Variants in FAM89B observed in about 807,000 individuals in gnomAD.
FAM89B encodes the protein family with sequence similarity 89 member B.
In FAM89B, 9 loss-of-function variants were observed where a neutral mutation model predicts 13.4. The observed-to-expected ratio is 0.67, with a 90% CI of 0.40 to 1.17. FAM89B has a LOEUF of 1.17. FAM89B is among the 50% of genes most tolerant of loss of function. The probability of loss-of-function intolerance (pLI) is 0.01; values close to 1 mark genes in which losing one functional copy is unlikely to be tolerated. For missense variants in FAM89B, 256 were observed against 256.1 expected (o/e 1.00, Z 0.00); for synonymous variants, 138 against 121.2 (o/e 1.14, Z -0.91).
chr11:65,572,897 C>A lies in FAM89B; in HGVS notation c.228C>A (p.Pro76=). The part of the protein sequence containing the change: ...RHAAGAANAG[P]AAGPRRPVNL... ...CCGCCGGCGCCGCCAACGCGGGACC[C>A]GCAGCCGGCCCGCGTCGTCCTGTCA... Residue 76 remains proline, a synonymous_variant, in exon 1 of 2, where the codon CCC becomes CCA. Transcript: ENST00000530349. 1 of 1,213,294 alleles carries A rather than the reference C, an allele frequency of 8.2e-7. No homozygotes were observed. The highest frequency in any genetic ancestry group is 1.0e-6 in the Non-Finnish European group (1 of 979,186). The allele number at this position is 1,213,294 out of a possible 1,614,324, so 75.2% of individuals were successfully genotyped here. A position where few individuals can be genotyped will look rare whatever the true frequency, so the allele number is the denominator to read the frequency against.
Position 65,573,615 on chromosome 11 carries a change from C to T in FAM89B, c.544C>T (p.Gln182Ter). Residue 182 changes from glutamine (Q) to a stop codon, truncating the protein, a stop_gained, in exon 2 of 2, where the codon CAG (glutamine) becomes TAG (stop). Transcript: ENST00000530349. LOFTEE classifies it high-confidence loss of function. The part of the protein sequence containing the change: ...QTHNARDQWL[Q>*]DAFHISL ...GCACAATGCCCGTGACCAGTGGCTG[C>T]AGGATGCCTTCCACATCAGCCTCTG... 1 of 1,609,490 alleles carries T rather than the reference C, an allele frequency of 6.2e-7. No homozygotes were observed.
chr11:65,572,636 G>C lies in FAM89B; in HGVS notation c.-34G>C. On this transcript the variant is annotated 5_prime_UTR_variant, in exon 1 of 2. Transcript: ENST00000530349. ...GGCCCGGGCGGAGCGTTGGAGGGAA[G>C]GAGGTGGCATCGCCGTCCGCGCCGG... 8.4e-7 allele frequency: 1 copy of C among 1,186,276 alleles called. No individual in the cohort carries two copies. Among genetic ancestry groups the C allele is most frequent in the Non-Finnish European group, 1.0e-6 (1 of 961,620 alleles). The allele number at this position is 1,186,276 out of a possible 1,614,324, so 73.5% of individuals were successfully genotyped here.
chr11:65,572,776 G>T lies in FAM89B; in HGVS notation c.107G>T (p.Gly36Val). 1 of 1,199,648 alleles carries T rather than the reference G, an allele frequency of 8.3e-7. No individual in the cohort carries two copies. The highest frequency in any genetic ancestry group is 1.0e-6 in the Non-Finnish European group (1 of 960,530). 74.3% of individuals were successfully genotyped at this position (1,199,648 alleles called of 1,614,324 possible). A position where few individuals can be genotyped will look rare whatever the true frequency, so the allele number is the denominator to read the frequency against. Residue 36 changes from glycine to valine, a missense_variant, in exon 1 of 2, where the codon GGC becomes GTC. Coordinates refer to ENST00000530349, the MANE Select transcript of FAM89B (RefSeq NM_001098785.2). ...AGCGGCCTCCTTAATGCGAGCGGGG[G>T]CTCGTGGCGGGAGCTGGAGCGCGTC... is the stretch of plus-strand genomic sequence containing the variant. ...GLSGLLNASG[G>V]SWRELERVYS...
At position 65,572,578 on chromosome 11, in the gene FAM89B, G is replaced by T; in HGVS notation, c.-92G>T. 7.3e-7 allele frequency: 1 copy of T among 1,375,302 alleles called. No homozygotes were observed. The highest frequency in any genetic ancestry group is 9.5e-7 in the Non-Finnish European group (1 of 1,057,550). 85.2% of individuals were successfully genotyped at this position (1,375,302 alleles called of 1,614,324 possible). A position where few individuals can be genotyped will look rare whatever the true frequency, so the allele number is the denominator to read the frequency against. On this transcript the variant is annotated 5_prime_UTR_variant, in exon 1 of 2. Transcript: ENST00000530349. ...GCCTGCGGGCGGCGGCTGGGCTCCG[G>T]CGGGGCCGCGGGGTGCGGGGCCTGC...
rs1316978045 is a variant in FAM89B, at chr11:65,572,546, A to T, written c.-124A>T. The T allele has an allele frequency of 3.5e-5, 52 of 1,477,588 alleles. No homozygotes were observed. The highest frequency in any genetic ancestry group is 4.2e-5 in the Non-Finnish European group (47 of 1,113,210). The allele number at this position is 1,477,588 out of a possible 1,614,324, so 91.5% of individuals were successfully genotyped here. A position where few individuals can be genotyped will look rare whatever the true frequency, so the allele number is the denominator to read the frequency against. On this transcript the variant is annotated 5_prime_UTR_variant, in exon 1 of 2. Coordinates refer to ENST00000530349, the MANE Select transcript of FAM89B (RefSeq NM_001098785.2). ...AGTCTGAGGAGCTGGGGAAGGAACA[A>T]AGCGAGGCCTGCGGGCGGCGGCTGG...
chr11:65,573,462 T>C lies in FAM89B; in HGVS notation c.391T>C (p.Cys131Arg). Residue 131 changes from cysteine (C) to arginine (R), a missense_variant, in exon 2 of 2, where the codon TGC becomes CGC. By Grantham distance (180) the Cys-to-Arg change is radical. Coordinates refer to ENST00000530349, the MANE Select transcript of FAM89B (RefSeq NM_001098785.2). ...ACACCTGTGCCAAGACCTGAGCTTC[T>C]GCCAGGACCTGTCATCCTCCCTCCA... The part of the protein sequence containing the change: ...YKHLCQDLSF[C>R]QDLSSSLHSD... 4 of 1,614,050 alleles carry C rather than the reference T, an allele frequency of 2.5e-6. No homozygotes were observed. Among genetic ancestry groups the C allele is most frequent in the Non-Finnish European group, 2.5e-6 (3 of 1,179,934 alleles).
chr11:65,573,155 C>T (rs1294455139), intron 1 of FAM89B, among the ~76,000 whole-genome samples, 195 bp downstream of exon 1: 1 of 152,254 alleles, frequency 6.6e-6, no homozygotes, highest in Non-Finnish European at 1.5e-5. Context: ...GCTGACGTTA[C>T]TTCATTTCAT....
At position 65,573,548 on chromosome 11, in the gene FAM89B, C is replaced by T; in HGVS notation, c.477C>T (p.Ala159=). ...GLSDDEEPPD[A]SLPPDPPPLT... ...CTGACGACGAGGAGCCTCCCGATGC[C>T]AGCCTGCCTCCTGACCCGCCACCCC... Residue 159 remains alanine, a synonymous_variant, in exon 2 of 2, where the codon GCC becomes GCT. Coordinates refer to ENST00000530349, the MANE Select transcript of FAM89B (RefSeq NM_001098785.2). 1 of 1,614,018 alleles carries T rather than the reference C, an allele frequency of 6.2e-7. No homozygotes were observed. The highest frequency in any genetic ancestry group is 1.3e-5 in the African/African-American group (1 of 75,060).
chr11:65,572,891 G>A lies in FAM89B; in HGVS notation c.222G>A (p.Ala74=). The A allele has an allele frequency of 8.3e-7, 1 of 1,210,452 alleles. No homozygotes were observed. The highest frequency in any genetic ancestry group is 1.0e-6 in the Non-Finnish European group (1 of 977,526). 75.0% of individuals were successfully genotyped at this position (1,210,452 alleles called of 1,614,324 possible). ...GPRHAAGAAN[A]GPAAGPRRPV... ...GCCACGCCGCCGGCGCCGCCAACGCGGGACCCGCAGCCGGCCCGCGTCGTC... is the reference window on the plus strand; with the variant it reads ...GCCACGCCGCCGGCGCCGCCAACGCAGGACCCGCAGCCGGCCCGCGTCGTC... Residue 74 remains alanine (A), a synonymous_variant, in exon 1 of 2, where the codon GCG becomes GCA. Transcript: ENST00000530349.
intron 1 of FAM89B, 118 bp downstream of exon 1, chr11:65,573,078 T>TA: frequency 1.0e-6 from 1 of 992,466 alleles, no homozygotes; most frequent in Non-Finnish European, 1.3e-6. Context: ...TTGCAAGGGT[T>TA]ATGGTAACAA....
At position 65,572,544 on chromosome 11, in the gene FAM89B, CA is replaced by C. The variant is rs1287628394; in HGVS notation, c.-123del. 2.7e-6 allele frequency: 4 copies of C among 1,503,944 alleles called. No individual in the cohort carries two copies. Among genetic ancestry groups the C allele is most frequent in the Non-Finnish European group, 3.5e-6 (4 of 1,128,008 alleles). The allele number at this position is 1,503,944 out of a possible 1,614,324, so 93.2% of individuals were successfully genotyped here. On this transcript the variant is annotated 5_prime_UTR_variant, in exon 1 of 2. Transcript: ENST00000530349. ...GGAGTCTGAGGAGCTGGGGAAGGAACAAAGCGAGGCCTGCGGGCGGCGGCTG... is the reference window on the plus strand; with the variant it reads ...GGAGTCTGAGGAGCTGGGGAAGGAACAAGCGAGGCCTGCGGGCGGCGGCTG...
chr11:65,573,648 G>A lies in FAM89B; in HGVS notation c.*7G>A, dbSNP rs1162802730. The A allele has an allele frequency of 6.3e-7, 1 of 1,593,214 alleles. No individual in the cohort carries two copies. The highest frequency in any genetic ancestry group is 1.7e-5 in the Admixed American group (1 of 59,496). On this transcript the variant is annotated 3_prime_UTR_variant, in exon 2 of 2. Transcript: ENST00000530349. ...CTTCCACATCAGCCTCTGAAGGGCT[G>A]GGGGGCAGGGGGCATGCACCCATGC...
In FAM89B at chr11:65,573,880, C is replaced by T. The variant is rs574866845; in HGVS notation, c.*239C>T. The T allele has an allele frequency of 1.2e-5, 6 of 498,578 alleles. No individual in the cohort carries two copies. In the South Asian group the frequency reaches 1.8e-4, roughly 15 times the overall value. The allele number at this position is 498,578 out of a possible 1,614,324, so 30.9% of individuals were successfully genotyped here. A position where few individuals can be genotyped will look rare whatever the true frequency, so the allele number is the denominator to read the frequency against. On this transcript the variant is annotated 3_prime_UTR_variant, in exon 2 of 2. Transcript: ENST00000530349. ...CATGGCACTGGGCCTCCAGTTCTTC[C>T]ACATGTGTGCACCCCCAGCTTGGCC...
chr11:65,573,526 A>G lies in FAM89B; in HGVS notation c.455A>G (p.Asp152Gly), dbSNP rs147971990. Residue 152 changes from aspartate to glycine, a missense_variant, in exon 2 of 2, where the codon GAC (aspartate) becomes GGC (glycine). Coordinates refer to ENST00000530349, the MANE Select transcript of FAM89B (RefSeq NM_001098785.2). ...SSYPPDAGLS[D>G]DEEPPDASLP... ...TACCCACCGGATGCGGGCCTGTCTG[A>G]CGACGAGGAGCCTCCCGATGCCAGC... The G allele has an allele frequency of 2.5e-6, 4 of 1,613,946 alleles. No homozygotes were observed. The highest frequency in any genetic ancestry group is 3.4e-6 in the Non-Finnish European group (4 of 1,180,026).
Position 65,574,182 on chromosome 11 carries a change from C to G in FAM89B, c.*541C>G, listed in dbSNP as rs1423693424. 6.5e-6 allele frequency: 1 copy of G among 152,932 alleles called. No homozygotes were observed. Among genetic ancestry groups the G allele is most frequent in the Non-Finnish European group, 1.5e-5 (1 of 68,274 alleles). 9.5% of individuals were successfully genotyped at this position (152,932 alleles called of 1,614,324 possible). A position where few individuals can be genotyped will look rare whatever the true frequency, so the allele number is the denominator to read the frequency against. On this transcript the variant is annotated 3_prime_UTR_variant, in exon 2 of 2. Coordinates refer to ENST00000530349, the MANE Select transcript of FAM89B (RefSeq NM_001098785.2). Reference sequence around the variant, plus strand: ...CAGGGCGCGTAGATAAATAAATACACTCAGCGTCGTTGTGCTCTGCCTGGC... The same window carrying G: ...CAGGGCGCGTAGATAAATAAATACAGTCAGCGTCGTTGTGCTCTGCCTGGC...
rs935003672 is a variant in FAM89B at position 65,572,870 on chromosome 11, C to T, written c.201C>T (p.His67=). ...RAARAPDGPR[H]AAGAANAGPA... ...CCCGCGCCCCGGACGGGCCCCGCCA[C>T]GCCGCCGGCGCCGCCAACGCGGGAC... Residue 67 remains histidine, a synonymous_variant, in exon 1 of 2, where the codon CAC becomes CAT. Coordinates refer to ENST00000530349, the MANE Select transcript of FAM89B (RefSeq NM_001098785.2). 1 of 1,198,066 alleles carries T rather than the reference C, an allele frequency of 8.3e-7. No individual in the cohort carries two copies. The highest frequency in any genetic ancestry group is 1.0e-6 in the Non-Finnish European group (1 of 969,862). 74.2% of individuals were successfully genotyped at this position (1,198,066 alleles called of 1,614,324 possible).
At position 65,572,953 on chromosome 11, in the gene FAM89B, A is replaced by T; in HGVS notation, c.284A>T (p.Lys95Met). 8.2e-7 allele frequency: 1 copy of T among 1,217,788 alleles called. No homozygotes were observed. Among genetic ancestry groups the T allele is most frequent in the Non-Finnish European group, 1.0e-6 (1 of 979,264 alleles). The allele number at this position is 1,217,788 out of a possible 1,614,324, so 75.4% of individuals were successfully genotyped here. A position where few individuals can be genotyped will look rare whatever the true frequency, so the allele number is the denominator to read the frequency against. The part of the protein sequence containing the change: ...NLDSALAALR[K>M]EMVGLRQLDM... ...GACTCAGCGCTGGCCGCGCTGCGCA[A>T]GGAGATGGTGAGTGGGTGGGCGCCG... is the stretch of plus-strand genomic sequence containing the variant. The change falls in exon 1 of 2, where the codon AAG (lysine) becomes ATG (methionine). Residue 95 changes from lysine (K) to methionine (M), a missense_variant. Physicochemically the swap from Lys to Met is moderately conservative, Grantham distance 95. Coordinates refer to ENST00000530349, the MANE Select transcript of FAM89B (RefSeq NM_001098785.2).
Position 65,572,964 on chromosome 11 carries a change from A to AGC in FAM89B, c.291+5_291+6insCG. ...GGCCGCGCTGCGCAAGGAGATGGTGAGTGGGTGGGCGCCGGGCCAGCTGGG... is the reference window on the plus strand; with the variant it reads ...GGCCGCGCTGCGCAAGGAGATGGTGAGCGTGGGTGGGCGCCGGGCCAGCTGGG... On this transcript the variant is annotated splice_donor_region_variant and intron_variant, in intron 1 of 1. Coordinates refer to ENST00000530349, the MANE Select transcript of FAM89B (RefSeq NM_001098785.2). The AGC allele has an allele frequency of 8.2e-7, 1 of 1,222,440 alleles. No individual in the cohort carries two copies. Among genetic ancestry groups the AGC allele is most frequent in the South Asian group, 4.0e-5 (1 of 25,216 alleles). The allele number at this position is 1,222,440 out of a possible 1,614,324, so 75.7% of individuals were successfully genotyped here. A position where few individuals can be genotyped will look rare whatever the true frequency, so the allele number is the denominator to read the frequency against.
At position 65,573,491 on chromosome 11, in the gene FAM89B, G is replaced by A. The variant is rs1857168988; in HGVS notation, c.420G>A (p.Ser140=). 6.2e-7 allele frequency: 1 copy of A among 1,614,094 alleles called. No individual in the cohort carries two copies. The highest frequency in any genetic ancestry group is 1.1e-5 in the South Asian group (1 of 91,082). ...FCQDLSSSLH[S]DSSYPPDAGL... ...AGGACCTGTCATCCTCCCTCCATTC[G>A]GACAGCTCCTACCCACCGGATGCGG... The change falls in exon 2 of 2, where the codon TCG becomes TCA. Residue 140 remains serine (S), a synonymous_variant. Coordinates refer to ENST00000530349, the MANE Select transcript of FAM89B (RefSeq NM_001098785.2).
Sources: gnomAD v4.1 joint callset for allele counts (sites outside exome capture counted in the v4.1 genomes callset) on GRCh38, gnomAD v4.1.1 for gene constraint, MANE v1.5 for transcripts, NCBI Gene and HGNC (gene_info 2026-07-23, HGNC 2026-07-21) for gene names.